The following LMNTD1 variants were observed in gnomAD, a reference collection of about 807,000 sequenced individuals.
LMNTD1 encodes the protein lamin tail domain-containing protein 1.
In LMNTD1, 35 loss-of-function variants were observed where a neutral mutation model predicts 50.9. The observed-to-expected ratio is 0.69, with a 90% CI of 0.53 to 0.91. The LOEUF is 0.91. Ranked by LOEUF, LMNTD1 falls within the 40% of genes least tolerant of loss-of-function variation. LMNTD1 has a pLI of 0.00. For synonymous variants in LMNTD1, 153 were observed against 161.9 expected, an observed-to-expected ratio of 0.94 and a Z score of 0.42; for missense variants, 470 against 475.5, an observed-to-expected ratio of 0.99 and a Z score of 0.11.
chr12:25,513,104 T>G (rs1940432532), intron 8 of LMNTD1, among the ~76,000 whole-genome samples: 2 of 152,174 alleles, frequency 1.3e-5, no homozygotes, highest in Admixed American at 1.3e-4. Context: ...TTCAGAACAT[T>G]CCCCCAAATT....
At chr12:25,551,094 T>C (rs755780807) in intron 2 of LMNTD1, among the ~76,000 whole-genome samples, 2 of 152,224 alleles carry the variant, frequency 1.3e-5, no homozygotes, top group African/African-American at 2.4e-5. Context: ...GAGACAGGAT[T>C]GTAAGACACG....
At chr12:25,569,801 T>A (rs571800799) in intron 1 of LMNTD1, among the ~76,000 whole-genome samples, 12 of 152,314 alleles carry the variant, frequency 7.9e-5, no homozygotes, top group Admixed American at 1.3e-4. Context: ...TCCACCATGA[T>A]TGTAAGTTCC....
intron 9 of LMNTD1, among the ~76,000 whole-genome samples, chr12:25,493,249 C>CA (rs1938946747): frequency 6.6e-6 from 1 of 151,984 alleles, no homozygotes; most frequent in African/African-American, 2.4e-5. Flanking sequence ...AATAGATGCT[C>CA]AAAAAATATC....
chr12:25,629,072 A>T (rs531517993), intron 1 of LMNTD1, among the ~76,000 whole-genome samples: 1 of 152,338 alleles, frequency 6.6e-6, no homozygotes, highest in South Asian at 2.1e-4. Flanking sequence ...TCCTAATAAC[A>T]TACTGAAGAT....
chr12:25,575,689 C>CT (rs3035947), intron 1 of LMNTD1, among the ~76,000 whole-genome samples: 118,455 of 150,836 alleles, frequency 0.79, 47,770 homozygotes, highest in Non-Finnish European at 0.9. Context: ...GCTCTATTTT[C>CT]TTTTTTTTTA....
chr12:25,498,512 A>C (rs1939191595), intron 9 of LMNTD1, among the ~76,000 whole-genome samples: 1 of 152,228 alleles, frequency 6.6e-6, no homozygotes, highest in South Asian at 2.1e-4. Context: ...TCCAAGATTC[A>C]TAATTCCTGA....
At chr12:25,606,824 T>C (rs139309257) in intron 1 of LMNTD1, among the ~76,000 whole-genome samples, 76 of 152,338 alleles carry the variant, frequency 5.0e-4, no homozygotes, top group African/African-American at 1.8e-3. Flanking sequence ...CAGGCTTTGG[T>C]ATCAGGATGA....
chr12:25,487,540 G>A (rs927904111), intron 9 of LMNTD1, among the ~76,000 whole-genome samples: 4 of 142,346 alleles, frequency 2.8e-5, no homozygotes, highest in Admixed American at 1.5e-4. Flanking sequence ...CTGCACGTGA[G>A]ATGGGTTTCC....
intron 1 of LMNTD1, among the ~76,000 whole-genome samples, chr12:25,573,431 A>G (rs1173834691): frequency 6.6e-6 from 1 of 152,152 alleles, no homozygotes. Context: ...TTGCCTATGA[A>G]CAAAGAGGAT....
At chr12:25,608,868 GC>G (rs1388519127) in intron 1 of LMNTD1, among the ~76,000 whole-genome samples, 4 of 152,144 alleles carry the variant, frequency 2.6e-5, no homozygotes, top group African/African-American at 9.7e-5. Context: ...ATGTTGCCCT[GC>G]CTTGTTTGGT....
At chr12:25,600,877 G>A (rs960820905) in intron 1 of LMNTD1, among the ~76,000 whole-genome samples, 2 of 152,002 alleles carry the variant, frequency 1.3e-5, no homozygotes, top group Non-Finnish European at 2.9e-5. Context: ...AGCCACTATG[G>A]ACAACAGTTT....
rs541139993 is a variant in LMNTD1, at chr12:25,611,178, G to A, written c.58+37316C>T. 1.3e-3 allele frequency among the ~76,000 whole-genome samples: 203 copies of A among 152,260 alleles called. 1 individual carries two copies. The highest frequency in any genetic ancestry group is 4.7e-3 in the African/African-American group (196 of 41,556). On this transcript the variant is annotated intron_variant, in intron 1 of 7. Transcript: ENST00000445693. ...AATTGTAGCAAAGCTATGCCATTTG[G>A]TGATTAAGAAGAAATGTTATTAAAG...
chr12:25,491,604 G>A (rs1938886368), intron 9 of LMNTD1, among the ~76,000 whole-genome samples: 1 of 152,254 alleles, frequency 6.6e-6, no homozygotes, highest in Admixed American at 6.5e-5. Context: ...CCAAGGCAAT[G>A]TGGGCTGGAC....
At position 25,596,891 on chromosome 12, in the gene LMNTD1, CAAAATGTGGA is replaced by C. The variant is rs1320207740; in HGVS notation, c.59-50347_59-50338del. Among the ~76,000 whole-genome samples the C allele has an allele frequency of 4.7e-5, 7 of 148,992 alleles. No homozygotes were observed. In the Admixed American group the frequency reaches 4.8e-4, roughly 10 times the overall value. Reference sequence around the variant, plus strand: ...GTACAATAAATGTAAATAGAAACAACAAAATGTGGAAAAATTGGGGACATAGTTAAGGCAC... The same window carrying C: ...GTACAATAAATGTAAATAGAAACAACAAAATTGGGGACATAGTTAAGGCAC... On this transcript the variant is annotated intron_variant, in intron 1 of 7. Coordinates refer to the LMNTD1 transcript ENST00000445693.
At chr12:25,520,752 CT>C (rs1279887683) in intron 6 of LMNTD1, among the ~76,000 whole-genome samples, 1 of 152,138 alleles carries the variant, frequency 6.6e-6, no homozygotes, top group Non-Finnish European at 1.5e-5. Flanking sequence ...GGTAGCTCTA[CT>C]TTTAATTTCT....
At chr12:25,496,306 C>A (rs1939064549) in intron 9 of LMNTD1, among the ~76,000 whole-genome samples, 1 of 152,132 alleles carries the variant, frequency 6.6e-6, no homozygotes. Flanking sequence ...ATGGAGACAG[C>A]TGGAAGAAAT....
intron 1 of LMNTD1, among the ~76,000 whole-genome samples, chr12:25,626,341 T>TAC (rs1555124910): frequency 3.7e-4 from 56 of 150,416 alleles, no homozygotes; most frequent in African/African-American, 7.9e-4. Flanking sequence ...TATATATATA[T>TAC]ACACACACAC....
intron 1 of LMNTD1, among the ~76,000 whole-genome samples, chr12:25,608,725 AC>A (rs1173866711): frequency 9.3e-5 from 14 of 151,006 alleles, no homozygotes; most frequent in Non-Finnish European, 2.1e-4. Flanking sequence ...TGGGAAAGAA[AC>A]CCGACCTTTC....
In LMNTD1 at chr12:25,531,024, T is replaced by C. The variant is rs935954791; in HGVS notation, c.492-4069A>G. Among the ~76,000 whole-genome samples the C allele has an allele frequency of 1.3e-5, 2 of 152,196 alleles. 1 individual carries two copies. The highest frequency in any genetic ancestry group is 4.1e-4 in the South Asian group (2 of 4,834). On this transcript the variant is annotated intron_variant, in intron 4 of 9. Transcript: ENST00000458174. ...ATGCACTGTTGCTGGTTCTGAGATGTAGCGGCCCATCTGCAAGGACTGGGG... is the reference window on the plus strand; with the variant it reads ...ATGCACTGTTGCTGGTTCTGAGATGCAGCGGCCCATCTGCAAGGACTGGGG...
Sources: gnomAD v4.1 joint callset for allele counts (sites outside exome capture counted in the v4.1 genomes callset) on GRCh38, gnomAD v4.1.1 for gene constraint, MANE v1.5 for transcripts, NCBI Gene and HGNC (gene_info 2026-07-23, HGNC 2026-07-21) for gene names.